Variants in AP3M1 observed in about 807,000 individuals in gnomAD.
AP3M1 encodes the protein AP-3 complex subunit mu-1.
Under a neutral mutation model 42.6 loss-of-function variants are expected in AP3M1, and 29 were observed. That is an observed-to-expected ratio of 0.68 (90% CI 0.51 to 0.93). AP3M1 has a LOEUF of 0.93. Among genes scored for constraint, AP3M1 ranks in the 40% least tolerant of loss-of-function variants. The probability of loss-of-function intolerance (pLI) is 0.00; values close to 1 mark genes in which losing one functional copy is unlikely to be tolerated. For synonymous variants in AP3M1, 178 were observed against 175.3 expected, an observed-to-expected ratio of 1.02 and a Z score of -0.12; for missense variants, 416 against 510.2, an observed-to-expected ratio of 0.82 and a Z score of 1.78.
intron 1 of AP3M1, among the ~76,000 whole-genome samples, chr10:74,144,913 C>T (rs2131999306): frequency 6.6e-6 from 1 of 152,250 alleles, no homozygotes; most frequent in South Asian, 2.1e-4. Flanking sequence ...CCGCCCGCCT[C>T]AGCCTCCCAA....
At chr10:74,129,778 G>A (rs1840720693) in intron 5 of AP3M1, 129 bp downstream of exon 5, 1 of 703,754 alleles carries the variant, frequency 1.4e-6, no homozygotes, top group Admixed American at 2.5e-5. Flanking sequence ...AGGAAACTCT[G>A]CTAGGAATAT....
chr10:74,125,944 C>T (rs528160426), intron 7 of AP3M1, among the ~76,000 whole-genome samples: 60 of 152,296 alleles, frequency 3.9e-4, no homozygotes, highest in African/African-American at 1.4e-3. Context: ...GACAGAATGA[C>T]ACATTTTTCT....
intron 1 of AP3M1, 193 bp downstream of exon 1, chr10:74,150,562 G>A (rs573248510): frequency 6.5e-6 from 1 of 152,996 alleles, no homozygotes; most frequent in Admixed American, 6.5e-5. Context: ...TGGGCTGCAG[G>A]TGGACCGCTC....
chr10:74,137,988 C>G, intron 2 of AP3M1, 119 bp downstream of exon 2: 1 of 1,091,270 alleles, frequency 9.2e-7, no homozygotes, highest in Non-Finnish European at 1.3e-6. Context: ...TGAATTTACG[C>G]TTAAACAGAG....
At chr10:74,135,833 C>T (rs1214346283) in intron 3 of AP3M1, among the ~76,000 whole-genome samples, 3 of 152,280 alleles carry the variant, frequency 2.0e-5, no homozygotes, top group East Asian at 1.9e-4. Flanking sequence ...TCCTAACATT[C>T]GTCCTTACAC....
intron 1 of AP3M1, chr10:74,138,706 G>GGATT (rs1261934493): frequency 5.3e-6 from 1 of 189,764 alleles, no homozygotes; most frequent in Non-Finnish European, 1.1e-5. Flanking sequence ...TGAGGTGGGC[G>GGATT]GATTGCTTGA....
chr10:74,134,135 T>G lies in AP3M1; in HGVS notation c.475A>C (p.Thr159Pro). The change falls in exon 4 of 9, where the codon ACC becomes CCC. Residue 159 changes from threonine (T) to proline (P), a missense_variant. Thr to Pro is a conservative substitution (Grantham distance 38, BLOSUM62 -1). Coordinates refer to ENST00000355264, the MANE Select transcript of AP3M1 (RefSeq NM_012095.6). ...CATGGTATGTTGGACAGCTGCCCGG[T>G]GGGGAGTGTGTCCCCAACATTACTA... ...GSSNVGDTLP[T>P]GQLSNIPWRR... 1 of 1,614,076 alleles carries G rather than the reference T, an allele frequency of 6.2e-7. No homozygotes were observed. The highest frequency in any genetic ancestry group is 8.5e-7 in the Non-Finnish European group (1 of 1,179,986).
intron 1 of AP3M1, among the ~76,000 whole-genome samples, chr10:74,146,515 C>T (rs118130338): frequency 0.012 from 1,820 of 152,090 alleles, 15 homozygotes; most frequent in Non-Finnish European, 0.019. Context: ...ATAAGAGAAA[C>T]ATTTAGGTTT....
chr10:74,143,646 C>T (rs1347770356), intron 1 of AP3M1, among the ~76,000 whole-genome samples: 1 of 152,200 alleles, frequency 6.6e-6, no homozygotes, highest in African/African-American at 2.4e-5. Flanking sequence ...CAATGCTACA[C>T]CATAAATACT....
chr10:74,146,009 G>C (rs923542985), intron 1 of AP3M1, among the ~76,000 whole-genome samples: 5 of 152,152 alleles, frequency 3.3e-5, no homozygotes, highest in Non-Finnish European at 7.4e-5. Context: ...GAGTTTTGAG[G>C]CACTGGGTAT....
chr10:74,142,521 A>G (rs1308499164), intron 1 of AP3M1, among the ~76,000 whole-genome samples: 1 of 152,240 alleles, frequency 6.6e-6, no homozygotes, highest in Non-Finnish European at 1.5e-5. Flanking sequence ...TTTAGTAATT[A>G]TTGTATTAAT....
chr10:74,141,434 A>G (rs887245205), intron 1 of AP3M1, among the ~76,000 whole-genome samples: 1 of 151,996 alleles, frequency 6.6e-6, no homozygotes, highest in Non-Finnish European at 1.5e-5. Flanking sequence ...TCTAAAACAT[A>G]AAAAATAAAT....
chr10:74,148,340 T>G (rs1039034060), intron 1 of AP3M1, among the ~76,000 whole-genome samples: 2 of 152,246 alleles, frequency 1.3e-5, no homozygotes, highest in African/African-American at 4.8e-5. Context: ...AGGAACACTT[T>G]CTACTCTTCA....
chr10:74,145,887 A>T (rs771216761), intron 1 of AP3M1, among the ~76,000 whole-genome samples: 4 of 152,220 alleles, frequency 2.6e-5, no homozygotes, highest in African/African-American at 7.2e-5. Flanking sequence ...TTCTATATAT[A>T]ATATGATGGA....
At chr10:74,126,422 A>G (rs571932188) in intron 6 of AP3M1, 67 bp from the exon 7 acceptor site, 5 of 1,333,918 alleles carry the variant, frequency 3.7e-6, no homozygotes, top group Non-Finnish European at 5.3e-6. Context: ...AGAGCTCCAG[A>G]GGTATCCTGA....
At chr10:74,136,296 G>A (rs1305294760) in intron 3 of AP3M1, among the ~76,000 whole-genome samples, 1 of 151,958 alleles carries the variant, frequency 6.6e-6, no homozygotes, top group Non-Finnish European at 1.5e-5. Context: ...GTCTATAAAT[G>A]GACTAAATTC....
Position 74,138,391 on chromosome 10 carries a change from G to C in AP3M1, c.-3-9C>G. On this transcript the variant is annotated splice_polypyrimidine_tract_variant and intron_variant, in intron 1 of 8. Coordinates refer to ENST00000355264, the MANE Select transcript of AP3M1 (RefSeq NM_012095.6). ...AGACTGTGGATCATTTTCTGTTGGG[G>C]CAAAGAAAGGTTTAAATTTATTATA... The C allele has an allele frequency of 6.2e-7, 1 of 1,602,852 alleles. No individual in the cohort carries two copies.
At chr10:74,134,282 G>A (rs1184419410) in intron 3 of AP3M1, 118 bp from the exon 4 acceptor site, 8 of 1,094,270 alleles carry the variant, frequency 7.3e-6, no homozygotes, top group Non-Finnish European at 1.0e-5. Flanking sequence ...TGAAGTTGTG[G>A]ATGGTCACTA....
At chr10:74,132,499 TG>T (rs1840809456) in intron 4 of AP3M1, among the ~76,000 whole-genome samples, 1 of 151,936 alleles carries the variant, frequency 6.6e-6, no homozygotes. Context: ...AAGACCAGCC[TG>T]GGCAACATGG....
Sources: gnomAD v4.1 joint callset for allele counts (sites outside exome capture counted in the v4.1 genomes callset) on GRCh38, gnomAD v4.1.1 for gene constraint, MANE v1.5 for transcripts, NCBI Gene and HGNC (gene_info 2026-07-23, HGNC 2026-07-21) for gene names.